ABCB1: variants seen among roughly 807,000 people sequenced by gnomAD.
ABCB1 encodes the protein ATP-dependent translocase ABCB1.
In ABCB1, 69 loss-of-function variants were observed where a neutral mutation model predicts 142.0. That is an observed-to-expected ratio of 0.49 (90% CI 0.40 to 0.59). The LOEUF (loss-of-function observed/expected upper bound fraction) is 0.59. Among genes scored for constraint, ABCB1 ranks in the 20% least tolerant of loss-of-function variants. ABCB1 has a pLI of 0.00. For missense variants in ABCB1, 1,326 were observed against 1,554.7 expected, an observed-to-expected ratio of 0.85 and a Z score of 2.47; for synonymous variants, 532 against 539.2, an observed-to-expected ratio of 0.99 and a Z score of 0.18.
At chr7:87,669,812 G>C (rs1825653432) in intron 1 of ABCB1, among the ~76,000 whole-genome samples, 3 of 152,110 alleles carry the variant, frequency 2.0e-5, no homozygotes, top group Admixed American at 1.3e-4. Flanking sequence ...ATCTCTTCTG[G>C]CTTGTAGGGT....
chr7:87,621,650 T>A (rs865790490), intron 1 of ABCB1, among the ~76,000 whole-genome samples: 1 of 152,248 alleles, frequency 6.6e-6, no homozygotes, highest in Admixed American at 6.5e-5. Context: ...AAAATTTCTA[T>A]GGGAAACAAA....
rs201832825 is a variant in ABCB1, at chr7:87,620,491, G to GT, written c.-330-19414dup. ...TCTTTGCCAAAATATCTTCAATAGG[G>GT]TTTTTTTTTCTAAAGAGTTTGCATT... On this transcript the variant is annotated intron_variant, in intron 1 of 28. Coordinates refer to the ABCB1 transcript ENST00000265724. Among the ~76,000 whole-genome samples the GT allele has an allele frequency of 7.9e-3, 1,200 of 151,280 alleles. 18 individuals carry two copies. Among genetic ancestry groups the GT allele is most frequent in the African/African-American group, 0.027 (1,112 of 41,236 alleles).
chr7:87,544,375 A>G (rs564043732), intron 16 of ABCB1, 100 bp from the exon 17 acceptor site: 2 of 1,171,074 alleles, frequency 1.7e-6, no homozygotes, highest in South Asian at 2.7e-5. Context: ...TCCTATCCTT[A>G]TTCCTTATCA....
chr7:87,512,229 A>G (rs982294593), intron 25 of ABCB1, among the ~76,000 whole-genome samples: 3 of 151,730 alleles, frequency 2.0e-5, no homozygotes, highest in East Asian at 1.9e-4. Flanking sequence ...CTACAATTGT[A>G]TAACCTTCAG....
intron 1 of ABCB1, among the ~76,000 whole-genome samples, chr7:87,677,193 G>A (rs756394020): frequency 5.3e-5 from 8 of 151,484 alleles, no homozygotes; most frequent in Non-Finnish European, 1.2e-4. Context: ...TTTATTGCAG[G>A]ATTTTTAACA....
intron 1 of ABCB1, among the ~76,000 whole-genome samples, chr7:87,614,753 A>G (rs1819975040): frequency 6.6e-6 from 1 of 151,982 alleles, no homozygotes; most frequent in African/African-American, 2.4e-5. Context: ...ATCCAGTTTA[A>G]TAGCATGTTT....
intron 1 of ABCB1, among the ~76,000 whole-genome samples, chr7:87,619,665 T>C (rs947727815): frequency 6.6e-6 from 1 of 152,076 alleles, no homozygotes; most frequent in African/African-American, 2.4e-5. Flanking sequence ...AGTTGAAGAT[T>C]GCTGCTGTCC....
In ABCB1 at chr7:87,566,953, A is replaced by G; in HGVS notation, c.362T>C (p.Ile121Thr). ...AGCAGCAACCAGCACCCCAGCACCA[A>G]TTCCACTGTAATAATAGGCATACCT... ...MTRYAYYYSG[I>T]GAGVLVAAYI... Residue 121 changes from isoleucine to threonine, a missense_variant, in exon 6 of 28, where the codon ATT (isoleucine) becomes ACT (threonine). Physicochemically the swap from Ile to Thr is moderately conservative, Grantham distance 89. Transcript: ENST00000622132. 1.2e-6 allele frequency: 2 copies of G among 1,614,150 alleles called. No individual in the cohort carries two copies. Among genetic ancestry groups the G allele is most frequent in the Non-Finnish European group, 1.7e-6 (2 of 1,179,998 alleles).
rs202017838 is a variant in ABCB1 at position 87,546,011 on chromosome 7, C to G, written c.1739G>C (p.Arg580Pro). The change falls in exon 15 of 28, where the codon CGG (arginine) becomes CCG (proline). Residue 580 changes from arginine to proline, a missense_variant. Physicochemically the swap from Arg to Pro is moderately radical, Grantham distance 103. Transcript: ENST00000622132. Reference protein sequence around the residue: ...QVALDKARKGRTTIVIAHRLS... With the variant: ...QVALDKARKGPTTIVIAHRLS... ...ACGATGAGCTATCACAATGGTGGTC[C>G]GACCTTTTCTGGCCTAAAGAGAGAG... is the stretch of plus-strand genomic sequence containing the variant. 1.2e-6 allele frequency: 2 copies of G among 1,613,958 alleles called. No homozygotes were observed. Among genetic ancestry groups the G allele is most frequent in the Admixed American group, 3.3e-5 (2 of 60,008 alleles).
At chr7:87,527,396 T>C (rs1295066191) in intron 21 of ABCB1, among the ~76,000 whole-genome samples, 1 of 152,190 alleles carries the variant, frequency 6.6e-6, no homozygotes, top group East Asian at 1.9e-4. Flanking sequence ...GTGATGGCTT[T>C]TACGAATTTT....
rs1052261067 is a variant in ABCB1 at position 87,627,000 on chromosome 7, T to C, written c.-330-25922A>G. On this transcript the variant is annotated intron_variant, in intron 1 of 28. Transcript: ENST00000265724. ...TATGTTGGTCAGGCTGGTCTCGAAC[T>C]CCTGACCTCGTGATCCGCCCGCCTC... Among the ~76,000 whole-genome samples the C allele has an allele frequency of 2.2e-3, 328 of 152,192 alleles. 2 individuals carry two copies. Among genetic ancestry groups the C allele is most frequent in the African/African-American group, 7.7e-3 (320 of 41,530 alleles).
At chr7:87,708,516 T>A (rs568679378) in intron 1 of ABCB1, among the ~76,000 whole-genome samples, 4 of 152,320 alleles carry the variant, frequency 2.6e-5, no homozygotes, top group Non-Finnish European at 5.9e-5. Flanking sequence ...AATCATCCCA[T>A]TGCAAGCCCA....
chr7:87,566,883 T>TA lies in ABCB1; in HGVS notation c.431dup (p.His145ThrfsTer4). ...GAAAAAACTGTTTTCTAATTTTGTG[T>TA]ATTTGTCTTCCAGCTGCCAGGCACC... On this transcript the variant is annotated frameshift_variant, in exon 6 of 28. Coordinates refer to ENST00000622132, the MANE Select transcript of ABCB1 (RefSeq NM_001348946.2). LOFTEE classifies it high-confidence loss of function. 6.2e-7 allele frequency: 1 copy of TA among 1,614,176 alleles called. No individual in the cohort carries two copies. Among genetic ancestry groups the TA allele is most frequent in the South Asian group, 1.1e-5 (1 of 91,084 alleles).
chr7:87,633,668 A>ATT (rs202092343), intron 1 of ABCB1, among the ~76,000 whole-genome samples: 3 of 146,998 alleles, frequency 2.0e-5, no homozygotes, highest in African/African-American at 5.0e-5. Flanking sequence ...CAGGTGTTTA[A>ATT]TTTTTTTTTT....
rs540427208 is a variant in ABCB1 at position 87,626,281 on chromosome 7, A to G, written c.-330-25203T>C. 8.7e-5 allele frequency among the ~76,000 whole-genome samples: 5 copies of G among 57,446 alleles called. 2 individuals are homozygous for G. The highest frequency in any genetic ancestry group is 1.5e-3 in the South Asian group (2 of 1,348). 37.7% of individuals were successfully genotyped at this position (57,446 alleles called of 152,430 possible). ...TATGTGTCATATATGTGTCATATAT[A>G]TGTGTCATATATGTGTCATATATAT... On this transcript the variant is annotated intron_variant, in intron 1 of 28. Coordinates refer to the ABCB1 transcript ENST00000265724.
intron 3 of ABCB1, among the ~76,000 whole-genome samples, chr7:87,589,726 A>T (rs2129949491): frequency 6.6e-6 from 1 of 150,884 alleles, no homozygotes. Context: ...TTGAACCTGC[A>T]GTGAGCTGTG....
chr7:87,588,347 C>T (rs1389469052), intron 3 of ABCB1, among the ~76,000 whole-genome samples: 1 of 152,114 alleles, frequency 6.6e-6, no homozygotes, highest in Admixed American at 6.6e-5. Flanking sequence ...CTCCACCCTC[C>T]GAAAGGCCCC....
intron 1 of ABCB1, among the ~76,000 whole-genome samples, chr7:87,622,256 T>C (rs1820250889): frequency 6.6e-6 from 1 of 152,120 alleles, no homozygotes. Flanking sequence ...TAATGAAGAC[T>C]AATATTTTTT....
At chr7:87,524,500 C>T (rs558611469) in intron 21 of ABCB1, among the ~76,000 whole-genome samples, 2 of 151,890 alleles carry the variant, frequency 1.3e-5, no homozygotes, top group Non-Finnish European at 2.9e-5. Flanking sequence ...AACCAAACAC[C>T]GTATGTTCTC....
Sources: allele counts gnomAD v4.1 joint callset (sites outside exome capture counted in the v4.1 genomes callset), GRCh38; gene constraint gnomAD v4.1.1; transcripts MANE v1.5; gene names NCBI Gene and HGNC (gene_info 2026-07-23, HGNC 2026-07-21).